The following ZNF646 variants were observed in gnomAD, a reference collection of about 807,000 sequenced individuals.
The protein encoded by ZNF646 is zinc finger protein 646.
ZNF646 carries 49 observed loss-of-function variants against 115.4 expected under a neutral mutation model. The observed-to-expected ratio is 0.42, with a 90% CI of 0.34 to 0.54. The LOEUF is 0.54. ZNF646 is among the 20% of genes least tolerant of loss of function. ZNF646 has a pLI of 0.04. For missense variants in ZNF646, 2,269 were observed against 2,457.9 expected, an observed-to-expected ratio of 0.92 and a Z score of 1.62; for synonymous variants, 933 against 939.0, an observed-to-expected ratio of 0.99 and a Z score of 0.12.
rs1368383503 is a variant in ZNF646 at position 31,080,494 on chromosome 16, A to C, written c.4170A>C (p.Glu1390Asp). The change falls in exon 2 of 3, where the codon GAA (glutamate) becomes GAC (aspartate). Residue 1390 changes from glutamate (E) to aspartate (D), a missense_variant. Coordinates refer to ENST00000300850, the MANE Select transcript of ZNF646 (RefSeq NM_014699.4). ...ERHLREHEET[E>D]REPANGQGGL... ...ACCTGCGGGAGCATGAGGAGACAGA[A>C]AGGGAGCCAGCCAATGGCCAGGGAG... The C allele has an allele frequency of 1.9e-6, 3 of 1,613,658 alleles. No individual in the cohort carries two copies. The highest frequency in any genetic ancestry group is 2.2e-5 in the East Asian group (1 of 44,900).
chr16:31,079,745 G>C lies in ZNF646; in HGVS notation c.3421G>C (p.Glu1141Gln). The C allele has an allele frequency of 6.2e-7, 1 of 1,613,676 alleles. No homozygotes were observed. The highest frequency in any genetic ancestry group is 8.5e-7 in the Non-Finnish European group (1 of 1,179,984). Residue 1141 changes from glutamate to glutamine, a missense_variant, in exon 2 of 3, where the codon GAG (glutamate) becomes CAG (glutamine). This residue lies in a region of ZNF646 where 1,062 missense variants were observed against 1,172.8 expected (regional missense o/e 0.91). Coordinates refer to ENST00000300850, the MANE Select transcript of ZNF646 (RefSeq NM_014699.4). This position sits in a 1 kb window ranked among gnomAD's most constrained non-coding sequence, Gnocchi z 5.5. The part of the protein sequence containing the change: ...GGSNKPQHMA[E>Q]EGPGQAEVEK... The stretch of plus-strand genomic sequence containing the variant: ...CAGCAACAAGCCCCAGCACATGGCA[G>C]AGGAGGGGCCGGGGCAAGCAGAAGT...
At position 31,077,872 on chromosome 16, in the gene ZNF646, G is replaced by A. The variant is rs1451297328; in HGVS notation, c.1548G>A (p.Lys516=). ...ALRNHVRVHC[K]AARRSADIGA... is the part of the protein sequence containing the mutation. ...GCAACCACGTGCGGGTACATTGCAA[G>A]GCTGCTCGCCGAAGTGCAGACATCG... is the stretch of plus-strand genomic sequence containing the variant. Residue 516 remains lysine (K), a synonymous_variant, in exon 2 of 3, where the codon AAG becomes AAA. Coordinates refer to ENST00000300850, the MANE Select transcript of ZNF646 (RefSeq NM_014699.4). 6.2e-7 allele frequency: 1 copy of A among 1,613,640 alleles called. No homozygotes were observed. The highest frequency in any genetic ancestry group is 8.5e-7 in the Non-Finnish European group (1 of 1,180,040).
rs766059629 is a variant in ZNF646 at position 31,077,980 on chromosome 16, G to A, written c.1656G>A (p.Gln552=). The A allele has an allele frequency of 6.8e-6, 11 of 1,614,012 alleles. No homozygotes were observed. Among genetic ancestry groups the A allele is most frequent in the Non-Finnish European group, 9.3e-6 (11 of 1,180,038 alleles). The change falls in exon 2 of 3, where the codon CAG becomes CAA. Residue 552 remains glutamine, a synonymous_variant. Coordinates refer to ENST00000300850, the MANE Select transcript of ZNF646 (RefSeq NM_014699.4). ...CAGAGGCAGCCCCGCACACAGATCA[G>A]GACCATGTGTGCAAACATGAAGAAG... ...VEAEAAPHTD[Q]DHVCKHEEEA...
rs2057098551 is a variant in ZNF646, at chr16:31,077,877, C to T, written c.1553C>T (p.Ala518Val). Residue 518 changes from alanine (A) to valine (V), a missense_variant, in exon 2 of 3, where the codon GCT (alanine) becomes GTT (valine). Coordinates refer to ENST00000300850, the MANE Select transcript of ZNF646 (RefSeq NM_014699.4). ...CACGTGCGGGTACATTGCAAGGCTG[C>T]TCGCCGAAGTGCAGACATCGGGGCT... ...RNHVRVHCKA[A>V]RRSADIGAEG... The T allele has an allele frequency of 1.2e-6, 2 of 1,613,600 alleles. No individual in the cohort carries two copies. The highest frequency in any genetic ancestry group is 8.5e-7 in the Non-Finnish European group (1 of 1,180,024).
chr16:31,075,073 A>G (rs1304355690), intron 1 of ZNF646, among the ~76,000 whole-genome samples: 1 of 152,212 alleles, frequency 6.6e-6, no homozygotes, highest in African/African-American at 2.4e-5. Flanking sequence ...AGTGCCTGGC[A>G]CATGGTAATA....
At position 31,079,868 on chromosome 16, in the gene ZNF646, A is replaced by G. The variant is rs751103542; in HGVS notation, c.3544A>G (p.Ile1182Val). 1.2e-6 allele frequency: 2 copies of G among 1,612,752 alleles called. No homozygotes were observed. The change falls in exon 2 of 3, where the codon ATA (isoleucine) becomes GTA (valine). Residue 1182 changes from isoleucine to valine, a missense_variant. Around this residue, in one of 5 missense-constraint regions of ZNF646, gnomAD observed 1,062 missense variants for 1,172.8 expected, o/e 0.91. Transcript: ENST00000300850. This position sits in a 1 kb window ranked among gnomAD's most constrained non-coding sequence, Gnocchi z 5.5. ...GGAGACCACTGTGAAGGGGGAGGAG[A>G]TAGAGCCCAGGCTGGAGACTGCCGA... is the stretch of plus-strand genomic sequence containing the variant. ...WEETTVKGEE[I>V]EPRLETAEKG...
rs768377482 is a variant in ZNF646 at position 31,080,388 on chromosome 16, G to A, written c.4064G>A (p.Arg1355Gln). Residue 1355 changes from arginine to glutamine, a missense_variant, in exon 2 of 3, where the codon CGG (arginine) becomes CAG (glutamine). Arg to Gln is a conservative substitution (Grantham distance 43, BLOSUM62 1). Around this residue, in one of 5 missense-constraint regions of ZNF646, gnomAD observed 1,062 missense variants for 1,172.8 expected, o/e 0.91. Transcript: ENST00000300850. ...QRLHSENRRRRAGRSRRTAVR... is the reference protein window; with the variant it reads ...QRLHSENRRRQAGRSRRTAVR... Reference sequence around the variant, plus strand: ...CTGCACTCAGAGAATCGGCGGCGACGGGCTGGACGGTCCAGGCGCACAGCT... The same window carrying A: ...CTGCACTCAGAGAATCGGCGGCGACAGGCTGGACGGTCCAGGCGCACAGCT... 3.9e-5 allele frequency: 63 copies of A among 1,613,000 alleles called. No individual in the cohort carries two copies. Among genetic ancestry groups the A allele is most frequent in the Non-Finnish European group, 4.8e-5 (57 of 1,179,846 alleles).
upstream of ZNF646, chr16:31,073,483 G>C (rs1361793127): frequency 6.6e-6 from 1 of 152,144 alleles, no homozygotes; most frequent in Non-Finnish European, 1.5e-5. Context: ...GCGGGTTCTA[G>C]GACCTGCTGG....
Position 31,079,783 on chromosome 16 carries a change from G to A in ZNF646, c.3459G>A (p.Gln1153=), listed in dbSNP as rs760646797. 6.2e-7 allele frequency: 1 copy of A among 1,613,690 alleles called. No homozygotes were observed. Among genetic ancestry groups the A allele is most frequent in the South Asian group, 1.1e-5 (1 of 91,054 alleles). Residue 1153 remains glutamine, a synonymous_variant, in exon 2 of 3, where the codon CAG becomes CAA. Coordinates refer to ENST00000300850, the MANE Select transcript of ZNF646 (RefSeq NM_014699.4). This position sits in a 1 kb window ranked among gnomAD's most constrained non-coding sequence, Gnocchi z 5.5. ...GPGQAEVEKL[Q]EELKVEPLEE... is the part of the protein sequence containing the mutation. ...GGCAAGCAGAAGTCGAGAAGCTCCA[G>A]GAAGAACTTAAAGTGGAGCCCCTGG...
rs1885751571 is a variant in ZNF646, at chr16:31,078,554, G to A, written c.2230G>A (p.Asp744Asn). The change falls in exon 2 of 3, where the codon GAT (aspartate) becomes AAT (asparagine). Residue 744 changes from aspartate (D) to asparagine (N), a missense_variant. Asp to Asn is a conservative substitution (Grantham distance 23, BLOSUM62 1). Transcript: ENST00000300850. ...SEGDKCGLER[D>N]ETHFQGDKES... ...AGGGGACAAATGTGGGCTTGAGAGG[G>A]ATGAGACCCATTTCCAGGGTGATAA... The A allele has an allele frequency of 6.2e-7, 1 of 1,604,372 alleles. No individual in the cohort carries two copies. The highest frequency in any genetic ancestry group is 1.3e-5 in the African/African-American group (1 of 74,966).
At chr16:31,081,820 G>A in intron 2 of ZNF646, 119 bp downstream of exon 2, 2 of 1,417,290 alleles carry the variant, frequency 1.4e-6, no homozygotes, top group Non-Finnish European at 1.9e-6. Flanking sequence ...TCTAAGAGGT[G>A]GGTGGGGGCT....
In ZNF646 at chr16:31,083,994, A is replaced by G; in HGVS notation, c.*902A>G. 1 of 1,498,220 alleles carries G rather than the reference A, an allele frequency of 6.7e-7. No homozygotes were observed. Among genetic ancestry groups the G allele is most frequent in the East Asian group, 2.5e-5 (1 of 40,470 alleles). 92.8% of individuals were successfully genotyped at this position (1,498,220 alleles called of 1,614,324 possible). On this transcript the variant is annotated 3_prime_UTR_variant, in exon 3 of 3. Transcript: ENST00000300850. ...TGACAAAGAACCAGAATCTGAATCA[A>G]ATGGGTCTGCCTGTTGCTCCACCCT...
At position 31,080,854 on chromosome 16, in the gene ZNF646, G is replaced by A; in HGVS notation, c.4530G>A (p.Leu1510=). ...ACTGCCAGCTCAATGGACCTACTCT[G>A]AGTCACATGGATAGCTGGGACAACA... ...AGDCQLNGPT[L]SHMDSWDNRD... Residue 1510 remains leucine, a synonymous_variant, in exon 2 of 3, where the codon CTG becomes CTA. Transcript: ENST00000300850. 1 of 1,614,126 alleles carries A rather than the reference G, an allele frequency of 6.2e-7. No homozygotes were observed. Among genetic ancestry groups the A allele is most frequent in the Non-Finnish European group, 8.5e-7 (1 of 1,180,026 alleles).
At chr16:31,081,733 G>A (rs1344403344) in intron 2 of ZNF646, 32 bp downstream of exon 2, 3 of 1,538,682 alleles carry the variant, frequency 1.9e-6, no homozygotes, top group Non-Finnish European at 2.6e-6. Context: ...AGGAGGAGGT[G>A]GGCACACAGT....
rs758068844 is a variant in ZNF646 at position 31,081,064 on chromosome 16, A to G, written c.4740A>G (p.Ile1580Met). 6.2e-7 allele frequency: 1 copy of G among 1,613,970 alleles called. No homozygotes were observed. The highest frequency in any genetic ancestry group is 1.1e-5 in the South Asian group (1 of 91,090). ...VATKSHSHNH[I>M]DAQTFACPDC... The stretch of plus-strand genomic sequence containing the variant: ...CAAAGAGCCACAGCCACAACCACAT[A>G]GACGCCCAGACCTTTGCCTGTCCTG... Residue 1580 changes from isoleucine to methionine, a missense_variant, in exon 2 of 3, where the codon ATA becomes ATG. By Grantham distance (10) the Ile-to-Met change is conservative. Transcript: ENST00000300850.
At chr16:31,074,762 G>A (rs1162639446) in intron 1 of ZNF646, 131 bp downstream of exon 1, 1 of 152,258 alleles carries the variant, frequency 6.6e-6, no homozygotes, top group Non-Finnish European at 1.5e-5. Context: ...GATGAGTGAG[G>A]TCAGAGGACT....
Position 31,076,248 on chromosome 16 carries a change from C to T in ZNF646, c.-77C>T. On this transcript the variant is annotated splice_region_variant and 5_prime_UTR_variant, in exon 2 of 3. Coordinates refer to ENST00000300850, the MANE Select transcript of ZNF646 (RefSeq NM_014699.4). ...TGACCACTGCCCCCTCTTCCTAGGC[C>T]TTGGCCCCTCCACCAGAGGAAGGTG... 1.3e-6 allele frequency: 2 copies of T among 1,530,154 alleles called. No individual in the cohort carries two copies. The highest frequency in any genetic ancestry group is 8.8e-7 in the Non-Finnish European group (1 of 1,136,412). The allele number at this position is 1,530,154 out of a possible 1,614,324, so 94.8% of individuals were successfully genotyped here.
chr16:31,074,341 C>T (rs2057048293), upstream of ZNF646: 1 of 152,322 alleles, frequency 6.6e-6, no homozygotes, highest in Admixed American at 6.5e-5. Context: ...AAAACTGCGG[C>T]TCGGAGGCGG....
rs748624117 is a variant in ZNF646 at position 31,083,359 on chromosome 16, G to T, written c.*267G>T. The T allele has an allele frequency of 9.9e-7, 1 of 1,009,356 alleles. No homozygotes were observed. Among genetic ancestry groups the T allele is most frequent in the Non-Finnish European group, 1.4e-6 (1 of 735,600 alleles). 62.5% of individuals were successfully genotyped at this position (1,009,356 alleles called of 1,614,324 possible). A position where few individuals can be genotyped will look rare whatever the true frequency, so the allele number is the denominator to read the frequency against. ...CCAGATTGCAACACCAGGGAGAGGC[G>T]GATGCAGAGCCCCACCGGTGGGAAA... is the stretch of plus-strand genomic sequence containing the variant. On this transcript the variant is annotated 3_prime_UTR_variant, in exon 3 of 3. Transcript: ENST00000300850.
Sources: gnomAD v4.1 joint callset for allele counts (sites outside exome capture counted in the v4.1 genomes callset) on GRCh38, gnomAD v4.1.1 for gene constraint, gnomAD v4.1.1 regional missense constraint, Gnocchi (gnomAD v3.1) non-coding constraint, MANE v1.5 for transcripts, NCBI Gene and HGNC (gene_info 2026-07-23, HGNC 2026-07-21) for gene names.